Variants in TSHZ2 observed in about 807,000 individuals in gnomAD.
The protein encoded by TSHZ2 is teashirt zinc finger homeobox 2.
In TSHZ2, 21 loss-of-function variants were observed where a neutral mutation model predicts 74.4. The observed-to-expected ratio is 0.28, with a 90% CI of 0.20 to 0.41. The LOEUF is 0.41. TSHZ2 is among the 10% of genes least tolerant of loss of function. TSHZ2 has a pLI of 1.00. For missense variants in TSHZ2, 1,244 were observed against 1,293.5 expected (o/e 0.96, Z 0.59); for synonymous variants, 540 against 515.3 (o/e 1.05, Z -0.65).
intron 1 of TSHZ2, among the ~76,000 whole-genome samples, chr20:53,213,333 G>A (rs1200530821): frequency 6.6e-6 from 1 of 152,122 alleles, no homozygotes; most frequent in Non-Finnish European, 1.5e-5. Flanking sequence ...ACAATTTGGA[G>A]TCTGGATTAG....
At chr20:53,380,520 GT>G (rs1200601028) in intron 2 of TSHZ2, among the ~76,000 whole-genome samples, 9 of 152,174 alleles carry the variant, frequency 5.9e-5, no homozygotes, top group Admixed American at 5.2e-4. Context: ...GTGAAACACT[GT>G]TCTATAGCAC....
At chr20:53,053,863 A>G (rs2123141905) in intron 1 of TSHZ2, among the ~76,000 whole-genome samples, 1 of 152,300 alleles carries the variant, frequency 6.6e-6, no homozygotes, top group Middle Eastern at 3.4e-3. Context: ...AAGCCACTGC[A>G]TTTGTCCCAT....
rs1052410185 is a variant in TSHZ2 at position 53,090,379 on chromosome 20, T to A, written c.40+117046T>A. On this transcript the variant is annotated intron_variant, in intron 1 of 2. Transcript: ENST00000371497. ...AATTCAATCAAATCGACACTCAATATTAACTGTCACAAATACGAAGGAGAC... is the reference window on the plus strand; with the variant it reads ...AATTCAATCAAATCGACACTCAATAATAACTGTCACAAATACGAAGGAGAC... Among the ~76,000 whole-genome samples the A allele has an allele frequency of 3.9e-5, 6 of 152,174 alleles. No individual in the cohort carries two copies. In the East Asian group the frequency reaches 1.2e-3, roughly 29 times the overall value.
intron 1 of TSHZ2, among the ~76,000 whole-genome samples, chr20:53,142,828 A>C (rs1296091104): frequency 6.6e-6 from 1 of 152,092 alleles, no homozygotes; most frequent in East Asian, 1.9e-4. Flanking sequence ...AAGATGAAAA[A>C]AAAAAAAAAT....
At chr20:53,252,668 A>T (rs1990358431) in intron 1 of TSHZ2, among the ~76,000 whole-genome samples, 1 of 152,224 alleles carries the variant, frequency 6.6e-6, no homozygotes, top group African/African-American at 2.4e-5. Flanking sequence ...CAAATATATA[A>T]TTGGCATCTC....
chr20:53,404,954 T>A (rs952483565), intron 2 of TSHZ2, among the ~76,000 whole-genome samples: 1 of 152,172 alleles, frequency 6.6e-6, no homozygotes, highest in Non-Finnish European at 1.5e-5. Context: ...GACATCCAAT[T>A]TAAAACTTAA....
At position 53,326,865 on chromosome 20, in the gene TSHZ2, C is replaced by T. The variant is rs770294197; in HGVS notation, c.*8+70294C>T. 1.3e-4 allele frequency among the ~76,000 whole-genome samples: 20 copies of T among 152,060 alleles called. No individual in the cohort carries two copies. In the East Asian group the frequency reaches 1.3e-3, roughly 10 times the overall value. Reference sequence around the variant, plus strand: ...TTACACTACCTGCCTTGCAAACTGGCGAAAATTAGCAGGTCTACAATTATG... The same window carrying T: ...TTACACTACCTGCCTTGCAAACTGGTGAAAATTAGCAGGTCTACAATTATG... On this transcript the variant is annotated intron_variant, in intron 2 of 2. Coordinates refer to ENST00000371497, the MANE Select transcript of TSHZ2 (RefSeq NM_173485.6).
chr20:53,350,736 GTTTTTCA>G (rs1980616314), intron 2 of TSHZ2, among the ~76,000 whole-genome samples: 1 of 152,158 alleles, frequency 6.6e-6, no homozygotes, highest in Non-Finnish European at 1.5e-5. Flanking sequence ...AAAGGTAACT[GTTTTTCA>G]CAAAGATGAA....
At chr20:53,296,233 G>A (rs1991377723) in intron 2 of TSHZ2, among the ~76,000 whole-genome samples, 1 of 152,052 alleles carries the variant, frequency 6.6e-6, no homozygotes, top group African/African-American at 2.4e-5. Flanking sequence ...GTCTCATTGA[G>A]GAATTTGCAA....
At position 53,494,761 on chromosome 20, in the gene TSHZ2, CT is replaced by C. The variant is rs1986540763; in HGVS notation, c.*7627del. ...CATTCGCCAAGGTTATATGGAGCCC[CT>C]GATTTCCATCAAAAAGGTTTCTATA... is the stretch of plus-strand genomic sequence containing the variant. On this transcript the variant is annotated 3_prime_UTR_variant, in exon 3 of 3. Coordinates refer to ENST00000371497, the MANE Select transcript of TSHZ2 (RefSeq NM_173485.6). The C allele has an allele frequency of 6.6e-6, 1 of 151,442 alleles. No homozygotes were observed. Among genetic ancestry groups the C allele is most frequent in the African/African-American group, 2.4e-5 (1 of 41,166 alleles). 9.4% of individuals were successfully genotyped at this position (151,442 alleles called of 1,614,324 possible).
At chr20:53,232,685 G>C (rs62208280) in intron 1 of TSHZ2, among the ~76,000 whole-genome samples, 48,213 of 151,878 alleles carry the variant, frequency 0.32, 8,093 homozygotes, top group African/African-American at 0.43. Flanking sequence ...AGTTACTATG[G>C]CACCACTGCA....
chr20:52,991,806 G>A lies in TSHZ2; in HGVS notation c.40+18473G>A, dbSNP rs565492471. ...TTGTGGGTATTAGTGTGTGTTGTGG[G>A]GAAAGAGTGTGAAAAGCTTTTCTGG... On this transcript the variant is annotated intron_variant, in intron 1 of 2. Transcript: ENST00000371497. Among the ~76,000 whole-genome samples the A allele has an allele frequency of 2.0e-5, 3 of 152,082 alleles. No homozygotes were observed. In the South Asian group the frequency reaches 6.2e-4, roughly 32 times the overall value.
At chr20:53,174,646 A>G (rs549114921) in intron 1 of TSHZ2, among the ~76,000 whole-genome samples, 47 of 152,324 alleles carry the variant, frequency 3.1e-4, no homozygotes, top group African/African-American at 7.7e-4. Context: ...AGGCTTAGCT[A>G]TCATGACGCC....
intron 1 of TSHZ2, among the ~76,000 whole-genome samples, chr20:53,185,861 C>A (rs1280516707): frequency 6.6e-6 from 1 of 152,188 alleles, no homozygotes; most frequent in Admixed American, 6.5e-5. Context: ...TATCAGCAGA[C>A]TACAATCATT....
intron 1 of TSHZ2, among the ~76,000 whole-genome samples, chr20:53,013,294 G>A (rs1350870017): frequency 6.6e-6 from 1 of 152,136 alleles, no homozygotes; most frequent in African/African-American, 2.4e-5. Flanking sequence ...ATGGAAGGTG[G>A]CTATTTCCTG....
At chr20:53,082,968 A>T (rs1985582836) in intron 1 of TSHZ2, among the ~76,000 whole-genome samples, 1 of 152,232 alleles carries the variant, frequency 6.6e-6, no homozygotes, top group African/African-American at 2.4e-5. Flanking sequence ...CAGAGCCTTG[A>T]CACTTAGTGG....
At chr20:53,467,505 A>G (rs957780057) in intron 2 of TSHZ2, among the ~76,000 whole-genome samples, 1 of 152,246 alleles carries the variant, frequency 6.6e-6, no homozygotes, top group Non-Finnish European at 1.5e-5. Context: ...CATTAAAGAT[A>G]TCTACATTTC....
chr20:53,471,917 T>A (rs1333710766), intron 2 of TSHZ2, among the ~76,000 whole-genome samples: 2 of 151,184 alleles, frequency 1.3e-5, no homozygotes, highest in Non-Finnish European at 2.9e-5. Context: ...GCGATTCTCC[T>A]GCCTCAGCCT....
chr20:52,973,270 A>T lies in TSHZ2; in HGVS notation c.-24A>T, dbSNP rs1361603448. 6.4e-7 allele frequency: 1 copy of T among 1,551,438 alleles called. No individual in the cohort carries two copies. Among genetic ancestry groups the T allele is most frequent in the Non-Finnish European group, 8.7e-7 (1 of 1,146,698 alleles). On this transcript the variant is annotated 5_prime_UTR_variant, in exon 1 of 3. In the 5' UTR this introduces an upstream ATG that the reference lacks. Transcript: ENST00000371497. ...CGCGGCTCGGGGCTGGGGCGCCAGA[A>T]GTGGGACTGGAGCGAAGTAGAGGAT...
Sources: allele counts gnomAD v4.1 joint callset (sites outside exome capture counted in the v4.1 genomes callset), GRCh38; gene constraint gnomAD v4.1.1; transcripts MANE v1.5; gene names NCBI Gene and HGNC (gene_info 2026-07-23, HGNC 2026-07-21).